Variants in DOCK4 observed in about 807,000 individuals in gnomAD.
DOCK4 encodes dedicator of cytokinesis 4, also known as dedicator of cytokinesis protein 4.
A neutral mutation model predicts 268.1 loss-of-function variants in DOCK4; 97 were observed. The ratio of observed to expected loss-of-function variants is 0.36; its 90% CI spans 0.31 to 0.43. The LOEUF is 0.43. Ranked by LOEUF, DOCK4 falls within the 20% of genes least tolerant of loss-of-function variation. The pLI is 1.00. For missense variants in DOCK4, 2,145 were observed against 2,455.7 expected (o/e 0.87, Z 2.67); for synonymous variants, 954 against 887.2 (o/e 1.08, Z -1.34).
chr7:111,741,201 G>T lies in DOCK4; in HGVS notation c.4933C>A (p.Pro1645Thr). The change falls in exon 47 of 53, where the codon CCA becomes ACA. Residue 1645 changes from proline (P) to threonine (T), a missense_variant. Transcript: ENST00000428084. The part of the protein sequence containing the change: ...VIPRRSPLSY[P>T]AVNRYSSSSL... ...GAGGAAGAATATCGGTTGACAGCTG[G>T]GTAACTTAACGGGCTGTTTCAGGGG... is the stretch of plus-strand genomic sequence containing the variant. 1.2e-6 allele frequency: 2 copies of T among 1,613,834 alleles called. No individual in the cohort carries two copies. The highest frequency in any genetic ancestry group is 8.5e-7 in the Non-Finnish European group (1 of 1,179,868).
At chr7:111,870,706 T>A (rs992794701) in intron 20 of DOCK4, among the ~76,000 whole-genome samples, 1 of 152,124 alleles carries the variant, frequency 6.6e-6, no homozygotes, top group African/African-American at 2.4e-5. Flanking sequence ...TAGGTAGATG[T>A]TGGTGGAGTG....
At chr7:112,193,598 T>TAAAAAAAA (rs564039337) in intron 1 of DOCK4, among the ~76,000 whole-genome samples, 5,700 of 131,468 alleles carry the variant, frequency 0.043, 147 homozygotes, top group Admixed American at 0.092. Context: ...GACCATGCCT[T>TAAAAAAAA]AAAAAAAAAA....
Position 111,875,073 on chromosome 7 carries a change from C to A in DOCK4, c.1744+1957G>T, listed in dbSNP as rs77815913. On this transcript the variant is annotated intron_variant, in intron 17 of 52. Coordinates refer to ENST00000428084, the MANE Select transcript of DOCK4 (RefSeq NM_001363540.2). ...AAATTTCAGAAAGACCAACTAACTT[C>A]CTTCCTCCTTCCCATCTCTTGAAAC... is the stretch of plus-strand genomic sequence containing the variant. Among the ~76,000 whole-genome samples the A allele has an allele frequency of 8.0e-3, 1,224 of 152,328 alleles. 20 individuals are homozygous for A. Among genetic ancestry groups the A allele is most frequent in the African/African-American group, 0.028 (1,182 of 41,574 alleles).
At chr7:112,021,813 G>A (rs1347578820) in intron 1 of DOCK4, among the ~76,000 whole-genome samples, 1 of 152,114 alleles carries the variant, frequency 6.6e-6, no homozygotes, top group Non-Finnish European at 1.5e-5. Flanking sequence ...CCTGTCTACG[G>A]GTTCTTCCAG....
At chr7:111,735,952 C>G (rs2133394526) in intron 50 of DOCK4, among the ~76,000 whole-genome samples, 1 of 152,272 alleles carries the variant, frequency 6.6e-6, no homozygotes, top group Non-Finnish European at 1.5e-5. Context: ...TCTTAAAATT[C>G]TTTTTCTCTA....
intron 1 of DOCK4, among the ~76,000 whole-genome samples, chr7:112,205,444 C>CT (rs2116916585): frequency 6.6e-6 from 1 of 152,160 alleles, no homozygotes; most frequent in African/African-American, 2.4e-5. Flanking sequence ...ACCAAAGAAC[C>CT]GAGCGGCGCA....
At chr7:111,794,187 G>A (rs1285967883) in intron 30 of DOCK4, among the ~76,000 whole-genome samples, 1 of 152,158 alleles carries the variant, frequency 6.6e-6, no homozygotes, top group Non-Finnish European at 1.5e-5. Flanking sequence ...ATGAGTGAGA[G>A]TAAACACTGC....
At chr7:112,191,056 C>T (rs750007891) in intron 1 of DOCK4, among the ~76,000 whole-genome samples, 1 of 152,054 alleles carries the variant, frequency 6.6e-6, no homozygotes, top group Admixed American at 6.5e-5. Flanking sequence ...TCTAGGCATC[C>T]CTGTTACTGC....
intron 1 of DOCK4, among the ~76,000 whole-genome samples, chr7:112,201,386 G>C (rs1820921160): frequency 6.6e-6 from 1 of 152,142 alleles, no homozygotes; most frequent in South Asian, 2.1e-4. Flanking sequence ...TGTGACTTCA[G>C]ATCAGCTTGT....
intron 1 of DOCK4, among the ~76,000 whole-genome samples, chr7:112,166,398 T>C (rs1187026478): frequency 1.3e-5 from 2 of 152,200 alleles, no homozygotes; most frequent in Non-Finnish European, 2.9e-5. Flanking sequence ...GCCACGAGCA[T>C]ATCCACCGCC....
intron 39 of DOCK4, among the ~76,000 whole-genome samples, chr7:111,762,757 G>GTTTTTTTTTTTTTT (rs1797499588): frequency 9.1e-5 from 5 of 55,006 alleles, no homozygotes; most frequent in South Asian, 7.1e-4. Context: ...ATTTTGTTTT[G>GTTTTTTTTTTTTTT]TTTTCTTTTT....
chr7:111,945,377 G>T (rs1046347616), intron 9 of DOCK4, among the ~76,000 whole-genome samples: 1 of 152,080 alleles, frequency 6.6e-6, no homozygotes, highest in African/African-American at 2.4e-5. Flanking sequence ...GTAGAGACGG[G>T]GTTTCACCAT....
chr7:111,965,129 A>G (rs1444841433), intron 8 of DOCK4, among the ~76,000 whole-genome samples: 3 of 95,994 alleles, frequency 3.1e-5, no homozygotes, highest in Non-Finnish European at 5.5e-5. Context: ...CATCAAGACT[A>G]GGAAGAAACT....
intron 52 of DOCK4, 148 bp from the exon 53 acceptor site, chr7:111,728,868 T>C: frequency 2.7e-6 from 2 of 731,586 alleles, no homozygotes; most frequent in Admixed American, 5.8e-5. Context: ...AAGGAGGTGA[T>C]TAAGGTAAAA....
chr7:111,793,887 A>G (rs1406129330), intron 30 of DOCK4, among the ~76,000 whole-genome samples: 2 of 152,078 alleles, frequency 1.3e-5, no homozygotes, highest in Non-Finnish European at 2.9e-5. Context: ...ATGGTGTGTC[A>G]CGCTCAGAAG....
intron 1 of DOCK4, among the ~76,000 whole-genome samples, chr7:112,108,537 T>C (rs964393627): frequency 6.6e-6 from 1 of 152,250 alleles, no homozygotes; most frequent in Non-Finnish European, 1.5e-5. Context: ...CTGAGGATAC[T>C]GTTGGGTCAC....
chr7:112,201,788 G>C (rs1220517608), intron 1 of DOCK4, among the ~76,000 whole-genome samples: 1 of 152,066 alleles, frequency 6.6e-6, no homozygotes, highest in South Asian at 2.1e-4. Context: ...ACTAAAGCAT[G>C]TTCCCCCTGT....
At chr7:111,974,572 AGGAAGGAAAAGGGATGG>A in intron 8 of DOCK4, among the ~76,000 whole-genome samples, 1 of 106,210 alleles carries the variant, frequency 9.4e-6, no homozygotes, top group African/African-American at 3.4e-5. Flanking sequence ...AGAGAGGAGG[AGGAAGGAAAAGGGATGG>A]GGAGGAGGGT....
intron 31 of DOCK4, chr7:111,789,348 G>A (rs1308303228): frequency 6.6e-6 from 1 of 152,252 alleles, no homozygotes; most frequent in Admixed American, 6.5e-5. Flanking sequence ...TTTCCAGGAT[G>A]TAAATCCTTT....
Sources: allele counts gnomAD v4.1 joint callset (sites outside exome capture counted in the v4.1 genomes callset), GRCh38; gene constraint gnomAD v4.1.1; transcripts MANE v1.5; gene names NCBI Gene and HGNC (gene_info 2026-07-23, HGNC 2026-07-21).